Variants in CCDC141 observed in about 807,000 individuals in gnomAD.
CCDC141 encodes coiled-coil domain-containing protein 141.
CCDC141 carries 168 observed loss-of-function variants against 181.0 expected under a neutral mutation model. The observed-to-expected ratio is 0.93, with a 90% confidence interval of 0.82 to 1.05. The LOEUF (loss-of-function observed/expected upper bound fraction) is 1.05, where lower values mean the gene tolerates loss of function less well. Ranked by LOEUF, CCDC141 falls within the 50% of genes least tolerant of loss-of-function variation. The probability of loss-of-function intolerance (pLI) is 0.00; values close to 1 mark genes in which losing one functional copy is unlikely to be tolerated. For synonymous variants in CCDC141, 666 were observed against 642.3 expected (o/e 1.04, Z -0.56); for missense variants, 1,902 against 1,788.5 (o/e 1.06, Z -1.14).
chr2:178,856,617 C>G (rs1452517682), intron 17 of CCDC141, among the ~76,000 whole-genome samples: 1 of 149,496 alleles, frequency 6.7e-6, no homozygotes, highest in African/African-American at 2.5e-5. Flanking sequence ...GAGACAGGGT[C>G]TCACTTTGTC....
At chr2:178,836,165 T>C (rs1176004125) in intron 23 of CCDC141, 1 of 152,488 alleles carries the variant, frequency 6.6e-6, no homozygotes, top group East Asian at 1.9e-4. Flanking sequence ...AACCCACATA[T>C]TGAGAAAGAA....
chr2:178,840,030 A>G (rs750364911), intron 22 of CCDC141, among the ~76,000 whole-genome samples: 7 of 152,194 alleles, frequency 4.6e-5, no homozygotes, highest in Non-Finnish European at 8.8e-5. Context: ...ATATCTTCCT[A>G]TATGTAGCAA....
chr2:178,934,042 G>T (rs1689194762), intron 6 of CCDC141, among the ~76,000 whole-genome samples: 1 of 151,510 alleles, frequency 6.6e-6, no homozygotes, highest in African/African-American at 2.4e-5. Context: ...TTTTTTTTAG[G>T]CTGGATGCCC....
intron 14 of CCDC141, among the ~76,000 whole-genome samples, chr2:178,870,231 C>CAAAAAAAAAAAAA (rs34625707): frequency 3.3e-5 from 2 of 60,290 alleles, no homozygotes; most frequent in Admixed American, 2.6e-4. Context: ...GACTCTGTCT[C>CAAAAAAAAAAAAA]AAAAAAAAAA....
intron 11 of CCDC141, among the ~76,000 whole-genome samples, chr2:178,881,931 A>T (rs1270150936): frequency 2.4e-4 from 36 of 149,520 alleles, no homozygotes; most frequent in East Asian, 1.2e-3. Context: ...ACACACACAC[A>T]CACACACACA....
chr2:178,897,271 C>T (rs1364263796), intron 8 of CCDC141, among the ~76,000 whole-genome samples: 1 of 152,132 alleles, frequency 6.6e-6, no homozygotes, highest in Non-Finnish European at 1.5e-5. Flanking sequence ...CTGTCACATT[C>T]GATGCTTGGA....
intron 2 of CCDC141, among the ~76,000 whole-genome samples, chr2:178,998,401 A>T (rs1168699904): frequency 6.6e-6 from 1 of 152,198 alleles, no homozygotes; most frequent in Non-Finnish European, 1.5e-5. Context: ...TCTCTTAAGT[A>T]TAATAGTACA....
chr2:179,047,453 C>T, intron 1 of CCDC141, 47 bp from the exon 2 acceptor site: 3 of 1,403,366 alleles, frequency 2.1e-6, no homozygotes, highest in East Asian at 2.7e-5. Context: ...CCTCTTGTTC[C>T]TTCCTCTTCA....
At chr2:178,901,631 C>T (rs997613854) in intron 8 of CCDC141, among the ~76,000 whole-genome samples, 2 of 151,922 alleles carry the variant, frequency 1.3e-5, no homozygotes, top group African/African-American at 4.8e-5. Flanking sequence ...CTATCTATGA[C>T]AAACCCACAG....
chr2:179,028,131 A>T (rs1252587499), intron 2 of CCDC141, among the ~76,000 whole-genome samples: 1 of 152,168 alleles, frequency 6.6e-6, no homozygotes, highest in African/African-American at 2.4e-5. Flanking sequence ...AGCACTGGGC[A>T]TTACAAGGCT....
intron 2 of CCDC141, among the ~76,000 whole-genome samples, chr2:179,015,865 A>C (rs1666880511): frequency 7.0e-6 from 1 of 142,412 alleles, no homozygotes. Flanking sequence ...TATATCTCAT[A>C]TATATCTCAT....
At chr2:178,911,950 G>A (rs1228394097) in intron 7 of CCDC141, among the ~76,000 whole-genome samples, 1 of 152,176 alleles carries the variant, frequency 6.6e-6, no homozygotes, top group Non-Finnish European at 1.5e-5. Flanking sequence ...GTATATTAAA[G>A]TAATTAAATT....
intron 18 of CCDC141, among the ~76,000 whole-genome samples, chr2:178,855,964 A>G (rs1685367025): frequency 6.6e-6 from 1 of 152,204 alleles, no homozygotes; most frequent in Non-Finnish European, 1.5e-5. Flanking sequence ...AGGAGTGTAG[A>G]AGGCACGTGC....
chr2:178,864,660 C>T lies in CCDC141; in HGVS notation c.2724+1107G>A, dbSNP rs1575144627. 2.0e-5 allele frequency among the ~76,000 whole-genome samples: 3 copies of T among 152,326 alleles called. No homozygotes were observed. In the Middle Eastern group the frequency reaches 0.01, roughly 518 times the overall value. ...CTCTGGTTTTCCTTCCAGCCATGGT[C>T]CATCCTGCACCTGCCTGTGGTCTGT... On this transcript the variant is annotated intron_variant, in intron 17 of 23. Transcript: ENST00000443758.
chr2:178,940,584 A>C (rs559637103), intron 6 of CCDC141, among the ~76,000 whole-genome samples: 1 of 152,228 alleles, frequency 6.6e-6, no homozygotes, highest in African/African-American at 2.4e-5. Flanking sequence ...TCTGAGGGCT[A>C]AAAAAATGTT....
At position 178,905,341 on chromosome 2, in the gene CCDC141, A is replaced by G. The variant is rs1015954457; in HGVS notation, c.1253T>C (p.Val418Ala). Reference protein sequence around the residue: ...LQKGQTLISQVDSCSSQVSGI... With the variant: ...LQKGQTLISQADSCSSQVSGI... ...CAACTTTACTCACCTGCAGGAGTCT[A>G]CTTGGCTGATTAAGGTTTGTCCCTT... is the stretch of plus-strand genomic sequence containing the variant. Residue 418 changes from valine (V) to alanine (A), a missense_variant, in exon 8 of 24, where the codon GTA (valine) becomes GCA (alanine). Physicochemically the swap from Val to Ala is moderately conservative, Grantham distance 64. Transcript: ENST00000443758. The G allele has an allele frequency of 1.3e-6, 2 of 1,549,042 alleles. No homozygotes were observed. Among genetic ancestry groups the G allele is most frequent in the African/African-American group, 1.4e-5 (1 of 73,008 alleles).
At chr2:178,851,235 A>C (rs1399001001) in intron 20 of CCDC141, among the ~76,000 whole-genome samples, 1 of 148,494 alleles carries the variant, frequency 6.7e-6, no homozygotes, top group Non-Finnish European at 1.5e-5. Flanking sequence ...GGACTTCTTT[A>C]GGTGACCCAG....
chr2:178,840,920 T>C (rs1575117379), intron 22 of CCDC141, among the ~76,000 whole-genome samples: 2 of 152,358 alleles, frequency 1.3e-5, no homozygotes, highest in South Asian at 2.1e-4. Flanking sequence ...TCAAATCTTT[T>C]TCTGGAACCA....
the CCDC141 span, among the ~76,000 whole-genome samples, chr2:178,821,926 T>A: frequency 6.6e-6 from 1 of 152,130 alleles, no homozygotes; most frequent in Non-Finnish European, 1.5e-5. Context: ...CAAAGGACTA[T>A]AAATCATGCT....
Sources: gnomAD v4.1 joint callset for allele counts (sites outside exome capture counted in the v4.1 genomes callset) on GRCh38, gnomAD v4.1.1 for gene constraint, MANE v1.5 for transcripts, NCBI Gene and HGNC (gene_info 2026-07-23, HGNC 2026-07-21) for gene names.